Variants in SCG3 observed in about 807,000 individuals in gnomAD.
SCG3 encodes the protein secretogranin III.
A neutral mutation model predicts 56.2 loss-of-function variants in SCG3; 38 were observed. The observed-to-expected ratio is 0.68, with a 90% confidence interval of 0.52 to 0.89. SCG3 has a LOEUF of 0.89. Ranked by LOEUF, SCG3 falls within the 40% of genes least tolerant of loss-of-function variation. The pLI is 0.00. For missense variants in SCG3, 524 were observed against 540.7 expected (o/e 0.97, Z 0.31); for synonymous variants, 176 against 184.2 (o/e 0.96, Z 0.36).
chr15:51,682,459 A>T (rs1395013972), intron 1 of SCG3, 58 bp from the exon 2 acceptor site: 1 of 832,504 alleles, frequency 1.2e-6, no homozygotes, highest in African/African-American at 1.8e-5. Flanking sequence ...ATTTAATAAG[A>T]GGCATATTTT....
Position 51,681,718 on chromosome 15 carries a change from C to G in SCG3, c.-38C>G. On this transcript the variant is annotated 5_prime_UTR_variant, in exon 1 of 12. Transcript: ENST00000220478. ...ATAACAAAAGCTACAGCTCCAGGAGCCCAGCGCCGGGCTGTGACCCAAGCC... is the reference window on the plus strand; with the variant it reads ...ATAACAAAAGCTACAGCTCCAGGAGGCCAGCGCCGGGCTGTGACCCAAGCC... The G allele has an allele frequency of 6.5e-7, 1 of 1,530,668 alleles. No homozygotes were observed. 94.8% of individuals were successfully genotyped at this position (1,530,668 alleles called of 1,614,324 possible). A position where few individuals can be genotyped will look rare whatever the true frequency, so the allele number is the denominator to read the frequency against.
At chr15:51,682,646 A>T in intron 2 of SCG3, 77 bp downstream of exon 2, 1 of 855,078 alleles carries the variant, frequency 1.2e-6, no homozygotes, top group Non-Finnish European at 1.8e-6. Flanking sequence ...ATGCTGTGAC[A>T]TTTTGGTCAT....
rs1353855724 is a variant in SCG3 at position 51,683,307 on chromosome 15, A to C, written c.270A>C (p.Glu90Asp). The C allele has an allele frequency of 6.2e-7, 1 of 1,613,724 alleles. No individual in the cohort carries two copies. The highest frequency in any genetic ancestry group is 8.5e-7 in the Non-Finnish European group (1 of 1,179,696). The stretch of plus-strand genomic sequence containing the variant: ...CAGAAAAGGAAAAAATTGAGAAAGA[A>C]AGACAATCTATAAGAAGCTCCCCAC... ...AITEKEKIEK[E>D]RQSIRSSPLD... The change falls in exon 4 of 12, where the codon GAA (glutamate) becomes GAC (aspartate). Residue 90 changes from glutamate (E) to aspartate (D), a missense_variant. Transcript: ENST00000220478.
Position 51,692,258 on chromosome 15 carries a change from A to G in SCG3, c.790A>G (p.Lys264Glu). Residue 264 changes from lysine to glutamate, a missense_variant, in exon 7 of 12, where the codon AAA becomes GAA. Coordinates refer to ENST00000220478, the MANE Select transcript of SCG3 (RefSeq NM_013243.4). Reference protein sequence around the residue: ...TLTNGLERRTKTYSEDNFEEL... With the variant: ...TLTNGLERRTETYSEDNFEEL... ...GACAAATGGCTTGGAAAGGAGAACT[A>G]AAACCTACAGTGAAGACAACTTTGA... The G allele has an allele frequency of 6.2e-7, 1 of 1,614,152 alleles. No individual in the cohort carries two copies. Among genetic ancestry groups the G allele is most frequent in the South Asian group, 1.1e-5 (1 of 91,088 alleles).
intron 10 of SCG3, among the ~76,000 whole-genome samples, chr15:51,703,189 T>C (rs1327694393): frequency 6.6e-6 from 1 of 152,222 alleles, no homozygotes; most frequent in East Asian, 1.9e-4. Context: ...ATTTTGCCCA[T>C]GGTATAGCTC....
chr15:51,695,992 G>T lies in SCG3; in HGVS notation c.985+1G>T. 6.6e-7 allele frequency: 1 copy of T among 1,523,494 alleles called. No individual in the cohort carries two copies. The highest frequency in any genetic ancestry group is 9.1e-7 in the Non-Finnish European group (1 of 1,098,798). The allele number at this position is 1,523,494 out of a possible 1,614,324, so 94.4% of individuals were successfully genotyped here. A position where few individuals can be genotyped will look rare whatever the true frequency, so the allele number is the denominator to read the frequency against. On this transcript the variant is annotated splice_donor_variant, in intron 8 of 11. Transcript: ENST00000220478. LOFTEE classifies it high-confidence loss of function. Reference sequence around the variant, plus strand: ...CCAGAAGAAGGTGTTTCCTACCTTGGTGAGATTCTATGTGTTTTGTTTCTA... The same window carrying T: ...CCAGAAGAAGGTGTTTCCTACCTTGTTGAGATTCTATGTGTTTTGTTTCTA...
At chr15:51,706,710 CTATATT>C (rs1179488217) in intron 10 of SCG3, among the ~76,000 whole-genome samples, 1 of 151,840 alleles carries the variant, frequency 6.6e-6, no homozygotes, top group Non-Finnish European at 1.5e-5. Context: ...TAATAATACT[CTATATT>C]TATATCATGC....
At chr15:51,682,722 T>C (rs555059984) in intron 2 of SCG3, among the ~76,000 whole-genome samples, 153 bp downstream of exon 2, 1 of 152,310 alleles carries the variant, frequency 6.6e-6, no homozygotes, top group South Asian at 2.1e-4. Context: ...AAATCTAGTT[T>C]TGGTAAATTC....
intron 10 of SCG3, among the ~76,000 whole-genome samples, chr15:51,711,664 T>C: frequency 6.6e-6 from 1 of 152,244 alleles, no homozygotes; most frequent in African/African-American, 2.4e-5. Context: ...ATCTGTTTAT[T>C]AGTAGAGATA....
chr15:51,708,255 A>G (rs1395647613), intron 10 of SCG3: 2 of 152,240 alleles, frequency 1.3e-5, no homozygotes, highest in East Asian at 1.9e-4. Context: ...TGCGTAAATA[A>G]AAGATTTGCT....
At chr15:51,718,165 AG>A (rs1327138267) in intron 11 of SCG3, among the ~76,000 whole-genome samples, 1 of 149,934 alleles carries the variant, frequency 6.7e-6, no homozygotes, top group Non-Finnish European at 1.5e-5. Context: ...CTATATAGAT[AG>A]TTAGATGATG....
chr15:51,719,023 T>C (rs1192121196), intron 11 of SCG3, among the ~76,000 whole-genome samples: 2 of 152,134 alleles, frequency 1.3e-5, no homozygotes, highest in Non-Finnish European at 2.9e-5. Context: ...TGACAGCCGT[T>C]TAAAATGCAT....
At chr15:51,715,490 TCCCAAA>T (rs1049773476) in intron 11 of SCG3, among the ~76,000 whole-genome samples, 52 of 152,220 alleles carry the variant, frequency 3.4e-4, no homozygotes, top group African/African-American at 1.2e-3. Context: ...TGAATCCCCT[TCCCAAA>T]CCCAGGAAAG....
intron 11 of SCG3, among the ~76,000 whole-genome samples, chr15:51,717,064 A>G (rs887110785): frequency 2.6e-5 from 4 of 151,960 alleles, no homozygotes; most frequent in African/African-American, 7.3e-5. Context: ...CATCTCCACA[A>G]AAAATTTAAA....
In SCG3 at chr15:51,681,768, G is replaced by A. The variant is rs903703713; in HGVS notation, c.13G>A (p.Gly5Arg). The A allele has an allele frequency of 1.9e-6, 3 of 1,614,010 alleles. No homozygotes were observed. The highest frequency in any genetic ancestry group is 1.7e-6 in the Non-Finnish European group (2 of 1,179,944). The change falls in exon 1 of 12, where the codon GGG becomes AGG. Residue 5 changes from glycine to arginine, a missense_variant. Transcript: ENST00000220478. ...CGAGCGTGGAAGAATGGGGTTCCTC[G>A]GGACCGGCACTTGGATTCTGGTGTT... MGFL[G>R]TGTWILVLVL...
intron 10 of SCG3, among the ~76,000 whole-genome samples, chr15:51,710,752 A>ATTTTTTTTTTTTT (rs60536489): frequency 9.5e-6 from 1 of 105,292 alleles, no homozygotes; most frequent in Non-Finnish European, 1.9e-5. Flanking sequence ...TGCCTGGCTA[A>ATTTTTTTTTTTTT]TTTTTTTTTT....
At chr15:51,718,753 G>A (rs73405314) in intron 11 of SCG3, among the ~76,000 whole-genome samples, 10 of 152,026 alleles carry the variant, frequency 6.6e-5, no homozygotes, top group African/African-American at 2.4e-4. Context: ...TTTGTTTAAG[G>A]AGGACAGAGG....
intron 10 of SCG3, among the ~76,000 whole-genome samples, chr15:51,704,738 C>T (rs188042508): frequency 1.4e-4 from 16 of 115,974 alleles, no homozygotes; most frequent in Admixed American, 1.1e-3. Context: ...TGGGTTGCTT[C>T]TACCTTTTGG....
At chr15:51,703,566 C>T (rs2607120) in intron 10 of SCG3, among the ~76,000 whole-genome samples, 39,492 of 151,942 alleles carry the variant, frequency 0.26, 5,836 homozygotes, top group East Asian at 0.54. Context: ...TTTCTAGCAA[C>T]AACGGGATAT....
Sources: gnomAD v4.1 joint callset for allele counts (sites outside exome capture counted in the v4.1 genomes callset) on GRCh38, gnomAD v4.1.1 for gene constraint, MANE v1.5 for transcripts, NCBI Gene and HGNC (gene_info 2026-07-23, HGNC 2026-07-21) for gene names.